CDCA8: variants seen among roughly 807,000 people sequenced by gnomAD.
The protein encoded by CDCA8 is borealin.
A neutral mutation model predicts 40.0 loss-of-function variants in CDCA8; 25 were observed. That is an observed-to-expected ratio of 0.63 (90% confidence interval 0.46 to 0.87). The LOEUF (loss-of-function observed/expected upper bound fraction) is 0.87. CDCA8 is among the 40% of genes least tolerant of loss of function. The probability of loss-of-function intolerance (pLI) is 0.00; values close to 1 mark genes in which losing one functional copy is unlikely to be tolerated. For missense variants in CDCA8, 280 were observed against 348.4 expected (o/e 0.80, Z 1.56); for synonymous variants, 111 against 126.5 (o/e 0.88, Z 0.82).
At chr1:37,704,923 C>G (rs1448327917) in intron 7 of CDCA8, among the ~76,000 whole-genome samples, 1 of 152,170 alleles carries the variant, frequency 6.6e-6, no homozygotes, top group African/African-American at 2.4e-5. Flanking sequence ...GCTGGGATTA[C>G]AGGTATGAGC....
At position 37,706,934 on chromosome 1, in the gene CDCA8, C is replaced by T. The variant is rs780561609; in HGVS notation, c.712-44C>T. ...ATCAGGGGAACCTAGGGGTTCCGGCCCTAAGGGCCATGGCCAGTTTAACCC... is the reference window on the plus strand; with the variant it reads ...ATCAGGGGAACCTAGGGGTTCCGGCTCTAAGGGCCATGGCCAGTTTAACCC... On this transcript the variant is annotated intron_variant, in intron 8 of 9. Transcript: ENST00000373055. 3.9e-6 allele frequency: 6 copies of T among 1,533,772 alleles called. No homozygotes were observed. The East Asian group carries it at 1.4e-4, about 35-fold the overall frequency.
intron 9 of CDCA8, 59 bp downstream of exon 9, chr1:37,707,123 T>C (rs1645607532): frequency 1.6e-6 from 2 of 1,252,560 alleles, no homozygotes; most frequent in Non-Finnish European, 2.3e-6. Flanking sequence ...TTGGGCTACC[T>C]TTATTTAGGA....
At chr1:37,700,042 T>C (rs1332549772) in intron 4 of CDCA8, among the ~76,000 whole-genome samples, 1 of 152,194 alleles carries the variant, frequency 6.6e-6, no homozygotes, top group East Asian at 1.9e-4. Context: ...AGGTTTTGAC[T>C]AGTGAGCAAG....
Position 37,701,807 on chromosome 1 carries a change from A to G in CDCA8, c.477A>G (p.Gly159=). 1 of 1,611,948 alleles carries G rather than the reference A, an allele frequency of 6.2e-7. No individual in the cohort carries two copies. Among genetic ancestry groups the G allele is most frequent in the Non-Finnish European group, 8.5e-7 (1 of 1,178,264 alleles). Residue 159 remains glycine (G), a synonymous_variant, in exon 6 of 10, where the codon GGA becomes GGG. Transcript: ENST00000373055. ...GAACTCAGTCCATACAAGGAAAAGG[A>G]AAAGGGAAAAGGTAGTGGATTTTCT... ...KKRTQSIQGK[G]KGKRSSRANT...
At chr1:37,705,313 G>A in intron 7 of CDCA8, 128 bp from the exon 8 acceptor site, 2 of 734,680 alleles carry the variant, frequency 2.7e-6, no homozygotes, top group African/African-American at 1.8e-5. Context: ...TCTAAATTTA[G>A]AACGTGCTTT....
chr1:37,704,337 T>A (rs1645584567), intron 7 of CDCA8, among the ~76,000 whole-genome samples: 1 of 152,176 alleles, frequency 6.6e-6, no homozygotes, highest in Non-Finnish European at 1.5e-5. Flanking sequence ...AGGATATTCT[T>A]GCAGCATAAG....
At chr1:37,694,415 T>C (rs1408388567) in intron 2 of CDCA8, among the ~76,000 whole-genome samples, 1 of 152,220 alleles carries the variant, frequency 6.6e-6, no homozygotes, top group East Asian at 1.9e-4. Context: ...TGAGCATGTG[T>C]CAGTCACAGT....
chr1:37,705,626 T>C, intron 8 of CDCA8, 59 bp downstream of exon 8: 1 of 1,591,572 alleles, frequency 6.3e-7, no homozygotes, highest in Non-Finnish European at 8.6e-7. Context: ...GCATTTCTTT[T>C]CCCTGGGCCC....
intron 8 of CDCA8, 128 bp from the exon 9 acceptor site, chr1:37,706,850 C>A: frequency 1.5e-6 from 1 of 686,976 alleles, no homozygotes; most frequent in South Asian, 1.7e-5. Context: ...AGCTAATATC[C>A]TTCCTGCCTG....
chr1:37,694,176 AAAATCC>A (rs1645510274), intron 2 of CDCA8, among the ~76,000 whole-genome samples: 1 of 152,194 alleles, frequency 6.6e-6, no homozygotes, highest in Non-Finnish European at 1.5e-5. Context: ...TGGCCAGAGA[AAAATCC>A]CAGCCTGTTT....
chr1:37,696,662 CTAAAA>C lies in CDCA8; in HGVS notation c.264+716_264+720del, dbSNP rs1477442954. ...GGGCTTCACAGAGTCCCTAGGCACT[CTAAAA>C]TAATATACAAACAATGCGTGTGTAT... On this transcript the variant is annotated intron_variant, in intron 3 of 9. Coordinates refer to ENST00000373055, the MANE Select transcript of CDCA8 (RefSeq NM_001256875.2). The surrounding 1 kb of genome is among the most constrained non-coding windows in gnomAD (Gnocchi z 5.0). Among the ~76,000 whole-genome samples the C allele has an allele frequency of 6.6e-6, 1 of 152,188 alleles. No homozygotes were observed. The highest frequency in any genetic ancestry group is 6.5e-5 in the Admixed American group (1 of 15,280).
chr1:37,707,097 G>A (rs1645607134), intron 9 of CDCA8, 33 bp downstream of exon 9: 2 of 1,484,544 alleles, frequency 1.3e-6, no homozygotes, highest in Non-Finnish European at 1.9e-6. Context: ...CACATAGGAT[G>A]CCTCCAGTAG....
intron 8 of CDCA8, among the ~76,000 whole-genome samples, chr1:37,706,089 A>G (rs925426739): frequency 6.3e-5 from 9 of 143,052 alleles, no homozygotes; most frequent in Admixed American, 5.0e-4. Context: ...GATTACAGGC[A>G]TGAGCCACCG....
rs915705000 is a variant in CDCA8, at chr1:37,709,002, G to A, written c.*636G>A. On this transcript the variant is annotated 3_prime_UTR_variant, in exon 10 of 10. Coordinates refer to ENST00000373055, the MANE Select transcript of CDCA8 (RefSeq NM_001256875.2). ...TCCTCCTCCTCCTCCTGTGGGAGGT[G>A]GTCAGTGGGACTTAGGGATCTTTCA... 4 of 155,308 alleles carry A rather than the reference G, an allele frequency of 2.6e-5. No individual in the cohort carries two copies. Among genetic ancestry groups the A allele is most frequent in the African/African-American group, 4.8e-5 (2 of 41,476 alleles). The allele number at this position is 155,308 out of a possible 1,614,324, so 9.6% of individuals were successfully genotyped here.
At chr1:37,703,430 C>T in intron 7 of CDCA8, 83 bp downstream of exon 7, 2 of 1,055,244 alleles carry the variant, frequency 1.9e-6, no homozygotes, top group Non-Finnish European at 3.0e-6. Context: ...AGAAAATACT[C>T]CTAGGCCAGG....
At position 37,696,071 on chromosome 1, in the gene CDCA8, A is replaced by C; in HGVS notation, c.264+121A>C. ...TAAAGGGACATCATCTGTTTGTGTC[A>C]ACTGAAAAATTAGAGTTGGACCAGA... On this transcript the variant is annotated intron_variant, in intron 3 of 9. Transcript: ENST00000373055. The surrounding 1 kb of genome is among the most constrained non-coding windows in gnomAD (Gnocchi z 5.0). 1.2e-6 allele frequency: 1 copy of C among 865,934 alleles called. No individual in the cohort carries two copies. Among genetic ancestry groups the C allele is most frequent in the Non-Finnish European group, 1.9e-6 (1 of 536,910 alleles). The allele number at this position is 865,934 out of a possible 1,614,324, so 53.6% of individuals were successfully genotyped here. A position where few individuals can be genotyped will look rare whatever the true frequency, so the allele number is the denominator to read the frequency against.
rs775352060 is a variant in CDCA8, at chr1:37,703,320, C to T, written c.557C>T (p.Pro186Leu). The T allele has an allele frequency of 3.1e-6, 5 of 1,613,818 alleles. No individual in the cohort carries two copies. The highest frequency in any genetic ancestry group is 4.2e-6 in the Non-Finnish European group (5 of 1,179,730). The stretch of plus-strand genomic sequence containing the variant: ...GAGGTGTCCATGGTCAAACCAACTC[C>T]AGGCCTGACACCCAGGTTTGACTCA... ...RLEVSMVKPT[P>L]GLTPRFDSRV... is the part of the protein sequence containing the mutation. Residue 186 changes from proline (P) to leucine (L), a missense_variant, in exon 7 of 10, where the codon CCA becomes CTA. Transcript: ENST00000373055.
chr1:37,692,934 G>C lies in CDCA8; in HGVS notation c.124G>C (p.Asp42His). Residue 42 changes from aspartate (D) to histidine (H), a missense_variant, in exon 2 of 10, where the codon GAC becomes CAC. By Grantham distance (81) the Asp-to-His change is moderately conservative. Coordinates refer to ENST00000373055, the MANE Select transcript of CDCA8 (RefSeq NM_001256875.2). ...VEIRIKQIESDRQNLLKEVDN... is the reference protein window; with the variant it reads ...VEIRIKQIESHRQNLLKEVDN... ...AATACGAATCAAGCAAATTGAGTCAGACAGGCAGAACCTCCTCAAGGAGGT... is the reference window on the plus strand; with the variant it reads ...AATACGAATCAAGCAAATTGAGTCACACAGGCAGAACCTCCTCAAGGAGGT... 1 of 1,614,148 alleles carries C rather than the reference G, an allele frequency of 6.2e-7. No homozygotes were observed. Among genetic ancestry groups the C allele is most frequent in the Non-Finnish European group, 8.5e-7 (1 of 1,180,036 alleles).
At chr1:37,701,633 ATATTTAG>A (rs1214132000) in intron 5 of CDCA8, 114 bp from the exon 6 acceptor site, 9 of 596,588 alleles carry the variant, frequency 1.5e-5, no homozygotes, top group Non-Finnish European at 2.4e-5. Flanking sequence ...ACACCTTATT[ATATTTAG>A]TATTAACTAT....
Sources: allele counts gnomAD v4.1 joint callset (sites outside exome capture counted in the v4.1 genomes callset), GRCh38; gene constraint gnomAD v4.1.1; non-coding constraint Gnocchi (gnomAD v3.1); transcripts MANE v1.5; gene names NCBI Gene and HGNC (gene_info 2026-07-23, HGNC 2026-07-21).